TRIM6: variants seen among roughly 807,000 people sequenced by gnomAD.
TRIM6 encodes the protein tripartite motif-containing protein 6.
Under a neutral mutation model 51.2 loss-of-function variants are expected in TRIM6, and 43 were observed. The observed-to-expected ratio is 0.84, with a 90% confidence interval of 0.66 to 1.08. TRIM6 has a LOEUF of 1.08. TRIM6 is among the 50% of genes least tolerant of loss of function. The pLI is 0.00. For synonymous variants in TRIM6, 215 were observed against 232.4 expected (o/e 0.93, Z 0.68); for missense variants, 669 against 619.0 (o/e 1.08, Z -0.86).
Position 5,611,090 on chromosome 11 carries a change from G to C in TRIM6, c.1299G>C (p.Gly433=). The change falls in exon 8 of 8, where the codon GGG becomes GGC. Residue 433 remains glycine (G), a synonymous_variant. Transcript: ENST00000380097. ...YQPQSGYWVI[G]LQHNHEYRAY... ...CTCAGAGTGGATACTGGGTGATTGGGTTACAGCATAACCATGAATATAGGG... is the reference window on the plus strand; with the variant it reads ...CTCAGAGTGGATACTGGGTGATTGGCTTACAGCATAACCATGAATATAGGG... 6.2e-7 allele frequency: 1 copy of C among 1,614,124 alleles called. No homozygotes were observed. Among genetic ancestry groups the C allele is most frequent in the Non-Finnish European group, 8.5e-7 (1 of 1,180,028 alleles).
At chr11:5,605,944 C>T (rs938537198) in intron 4 of TRIM6, among the ~76,000 whole-genome samples, 1 of 152,184 alleles carries the variant, frequency 6.6e-6, no homozygotes, top group African/African-American at 2.4e-5. Flanking sequence ...TTAGCAGCGT[C>T]TCTGGCCTCT....
At chr11:5,610,487 G>A (rs761102627) in intron 6 of TRIM6, 48 bp from the exon 7 acceptor site, 33 of 1,613,618 alleles carry the variant, frequency 2.0e-5, no homozygotes, top group Admixed American at 1.0e-4. Context: ...TACCAGACAT[G>A]AGACAGTTGG....
rs190821922 is a variant in TRIM6 at position 5,600,478 on chromosome 11, C to T, written c.18-2768C>T. 8.1e-4 allele frequency among the ~76,000 whole-genome samples: 124 copies of T among 152,276 alleles called. 1 individual carries two copies. Among genetic ancestry groups the T allele is most frequent in the Non-Finnish European group, 1.0e-4 (7 of 68,018 alleles). ...GATGGCAGCGCCAAGAACCTGTTTT[C>T]GGCTCGCTAGATCCCCCAGCAGGGC... On this transcript the variant is annotated intron_variant, in intron 1 of 7. Coordinates refer to ENST00000380097, the MANE Select transcript of TRIM6 (RefSeq NM_001003818.3).
rs1370573731 is a variant in TRIM6 at position 5,604,623 on chromosome 11, C to T, written c.597C>T (p.Ser199=). The change falls in exon 3 of 8, where the codon TCC becomes TCT. Residue 199 remains serine (S), a synonymous_variant. Transcript: ENST00000380097. ...CTTTTATCAGAGAGAAGAAAACATC[C>T]TGGAAGGCAAGGGAGACTTTTTCTG... The part of the protein sequence containing the change: ...LTAFIREKKT[S]WKNQMEPERC... The T allele has an allele frequency of 6.2e-7, 1 of 1,611,252 alleles. No homozygotes were observed. Among genetic ancestry groups the T allele is most frequent in the Non-Finnish European group, 8.5e-7 (1 of 1,178,888 alleles).
In TRIM6 at chr11:5,603,533, T is replaced by C. The variant is rs761613354; in HGVS notation, c.305T>C (p.Leu102Pro). Residue 102 changes from leucine to proline, a missense_variant, in exon 2 of 8, where the codon CTG becomes CCG. Physicochemically the swap from Leu to Pro is moderately conservative, Grantham distance 98. Transcript: ENST00000380097. ...GGGAACCTGCGGCCTAATCGGCATC[T>C]GGCCAACATAGTGAGGCGGCTCAGA... ...QPGNLRPNRH[L>P]ANIVRRLREV... The C allele has an allele frequency of 5.6e-6, 9 of 1,614,024 alleles. No homozygotes were observed. Among genetic ancestry groups the C allele is most frequent in the Admixed American group, 1.7e-5 (1 of 59,986 alleles).
chr11:5,599,122 T>C (rs1847661962), intron 1 of TRIM6, among the ~76,000 whole-genome samples: 2 of 152,340 alleles, frequency 1.3e-5, no homozygotes, highest in Admixed American at 1.3e-4. Context: ...TATCTTGTTG[T>C]ATATATTAAC....
intron 5 of TRIM6, 84 bp from the exon 6 acceptor site, chr11:5,610,061 A>C: frequency 7.1e-7 from 1 of 1,403,054 alleles, no homozygotes; most frequent in South Asian, 1.2e-5. Flanking sequence ...GGAATTCATC[A>C]GTAGGCTTGG....
At chr11:5,600,479 G>A (rs1376420293) in intron 1 of TRIM6, among the ~76,000 whole-genome samples, 3 of 152,088 alleles carry the variant, frequency 2.0e-5, no homozygotes, top group African/African-American at 4.8e-5. Flanking sequence ...ACCTGTTTTC[G>A]GCTCGCTAGA....
At chr11:5,602,235 T>G (rs1847906547) in intron 1 of TRIM6, among the ~76,000 whole-genome samples, 1 of 151,496 alleles carries the variant, frequency 6.6e-6, no homozygotes, top group South Asian at 2.1e-4. Context: ...GGTCAGGAGA[T>G]CGAGACCATC....
At chr11:5,604,328 C>T (rs1250229990) in intron 2 of TRIM6, among the ~76,000 whole-genome samples, 3 of 152,100 alleles carry the variant, frequency 2.0e-5, no homozygotes, top group African/African-American at 7.2e-5. Flanking sequence ...AGGCACCTTC[C>T]CAAGGGGGAT....
rs779095680 is a variant in TRIM6, at chr11:5,611,149, C to CAA, written c.1358_1359insAA (p.Met454ThrfsTer2). The CAA allele has an allele frequency of 1.2e-6, 2 of 1,614,176 alleles. No homozygotes were observed. Among genetic ancestry groups the CAA allele is most frequent in the South Asian group, 2.2e-5 (2 of 91,080 alleles). On this transcript the variant is annotated frameshift_variant, in exon 8 of 8. Transcript: ENST00000380097. LOFTEE classifies it high-confidence loss of function. ...GATTCTTCCCCTTCCCTGCTTCTCT[C>CAA]CATGACAGTGCCCCCTCGCCGTGTT...
chr11:5,603,668 G>C lies in TRIM6; in HGVS notation c.440G>C (p.Cys147Ser), dbSNP rs1229809637. Reference protein sequence around the residue: ...QEDGKVICWLCERSQEHRGHH... With the variant: ...QEDGKVICWLSERSQEHRGHH... ...GATGGGAAGGTCATTTGCTGGCTTT[G>C]TGAGCGGTCTCAGGAGCACCGTGGT... is the stretch of plus-strand genomic sequence containing the variant. Residue 147 changes from cysteine (C) to serine (S), a missense_variant, in exon 2 of 8, where the codon TGT becomes TCT. Coordinates refer to ENST00000380097, the MANE Select transcript of TRIM6 (RefSeq NM_001003818.3). The C allele has an allele frequency of 6.2e-7, 1 of 1,613,436 alleles. No individual in the cohort carries two copies. The highest frequency in any genetic ancestry group is 1.1e-5 in the South Asian group (1 of 90,922).
At chr11:5,602,506 C>A (rs1847930608) in intron 1 of TRIM6, among the ~76,000 whole-genome samples, 1 of 151,724 alleles carries the variant, frequency 6.6e-6, no homozygotes, top group Admixed American at 6.6e-5. Flanking sequence ...TCAGAGCAGA[C>A]CCTTCTGATA....
At chr11:5,605,242 A>C in intron 3 of TRIM6, 95 bp from the exon 4 acceptor site, 1 of 1,560,772 alleles carries the variant, frequency 6.4e-7, no homozygotes, top group Non-Finnish European at 8.8e-7. Flanking sequence ...GGCTTGGCCC[A>C]GGAAAGCAGT....
At position 5,596,723 on chromosome 11, in the gene TRIM6, C is replaced by T. The variant is rs1397295496; in HGVS notation, c.-175C>T. 1.5e-5 allele frequency: 14 copies of T among 960,432 alleles called. No individual in the cohort carries two copies. The highest frequency in any genetic ancestry group is 2.0e-5 in the Non-Finnish European group (13 of 636,062). 59.5% of individuals were successfully genotyped at this position (960,432 alleles called of 1,614,324 possible). On this transcript the variant is annotated 5_prime_UTR_variant, in exon 1 of 8. Coordinates refer to ENST00000380097, the MANE Select transcript of TRIM6 (RefSeq NM_001003818.3). ...GCCAAAGGCTGGCGGAGGAGGGATC[C>T]CCTGCCTTTCTCGGAACGGAACGGA...
At chr11:5,609,604 C>T (rs1415522143) in intron 5 of TRIM6, among the ~76,000 whole-genome samples, 3 of 152,036 alleles carry the variant, frequency 2.0e-5, no homozygotes, top group Non-Finnish European at 4.4e-5. Context: ...AAAACAACAA[C>T]AGAAAAACAA....
intron 5 of TRIM6, 146 bp downstream of exon 5, chr11:5,608,540 C>A: frequency 7.6e-7 from 1 of 1,321,956 alleles, no homozygotes; most frequent in Non-Finnish European, 1.0e-6. Flanking sequence ...GTTTTGGCAT[C>A]CCCAAATAAA....
rs557625382 is a variant in TRIM6 at position 5,605,162 on chromosome 11, G to A, written c.604-175G>A. 1.4e-5 allele frequency: 12 copies of A among 836,948 alleles called. No individual in the cohort carries two copies. In the South Asian group the frequency reaches 1.9e-4, roughly 13 times the overall value. The allele number at this position is 836,948 out of a possible 1,614,324, so 51.8% of individuals were successfully genotyped here. A position where few individuals can be genotyped will look rare whatever the true frequency, so the allele number is the denominator to read the frequency against. Reference sequence around the variant, plus strand: ...GGCCAATGGTCTGGGCAGAGCTGAAGGGAGAAAAGAAGGAAAGAACAGGCT... The same window carrying A: ...GGCCAATGGTCTGGGCAGAGCTGAAAGGAGAAAAGAAGGAAAGAACAGGCT... On this transcript the variant is annotated intron_variant, in intron 3 of 7. Coordinates refer to ENST00000380097, the MANE Select transcript of TRIM6 (RefSeq NM_001003818.3).
intron 1 of TRIM6, among the ~76,000 whole-genome samples, chr11:5,601,296 A>T (rs182566271): frequency 6.6e-6 from 1 of 152,350 alleles, no homozygotes; most frequent in South Asian, 2.1e-4. Flanking sequence ...GGTTATGCCA[A>T]TTCTACAACT....
Sources: gnomAD v4.1 joint callset for allele counts (sites outside exome capture counted in the v4.1 genomes callset) on GRCh38, gnomAD v4.1.1 for gene constraint, MANE v1.5 for transcripts, NCBI Gene and HGNC (gene_info 2026-07-23, HGNC 2026-07-21) for gene names.